Variants in CNTNAP2 observed in about 807,000 individuals in gnomAD.
The protein encoded by CNTNAP2 is contactin-associated protein-like 2.
CNTNAP2 carries 98 observed loss-of-function variants against 155.2 expected under a neutral mutation model. The observed-to-expected ratio is 0.63, with a 90% CI of 0.54 to 0.75. The LOEUF is 0.75. Ranked by LOEUF, CNTNAP2 falls within the 30% of genes least tolerant of loss-of-function variation. CNTNAP2 has a pLI of 0.00. For synonymous variants in CNTNAP2, 651 were observed against 631.2 expected, an observed-to-expected ratio of 1.03 and a Z score of -0.47; for missense variants, 1,727 against 1,688.1, an observed-to-expected ratio of 1.02 and a Z score of -0.40.
At chr7:146,787,631 G>A (rs1030428864) in intron 2 of CNTNAP2, among the ~76,000 whole-genome samples, 1 of 152,116 alleles carries the variant, frequency 6.6e-6, no homozygotes, top group Non-Finnish European at 1.5e-5. Context: ...TGTGAAAAGC[G>A]AAAGAACAAA....
At chr7:147,977,808 T>C in intron 14 of CNTNAP2, 54 bp from the exon 15 acceptor site, 1 of 1,612,010 alleles carries the variant, frequency 6.2e-7, no homozygotes, top group South Asian at 1.1e-5. Context: ...AGCAGAAAAT[T>C]CATATGTCTA....
At chr7:147,187,560 T>C (rs12112515) in intron 8 of CNTNAP2, among the ~76,000 whole-genome samples, 8,399 of 151,950 alleles carry the variant, frequency 0.055, 744 homozygotes, top group African/African-American at 0.19. Context: ...GAACTAAACA[T>C]TGGGGACATA....
chr7:148,390,897 A>G (rs777915860), intron 22 of CNTNAP2, among the ~76,000 whole-genome samples: 10 of 152,358 alleles, frequency 6.6e-5, no homozygotes, highest in East Asian at 1.9e-4. Context: ...CTGCACAACT[A>G]TAACAGATGT....
intron 10 of CNTNAP2, among the ~76,000 whole-genome samples, chr7:147,476,652 C>T (rs1003767323): frequency 2.0e-5 from 3 of 151,766 alleles, no homozygotes; most frequent in East Asian, 2.0e-4. Context: ...GTTGGTCAGG[C>T]GCGGTGGCTC....
intron 8 of CNTNAP2, among the ~76,000 whole-genome samples, chr7:147,189,776 A>C (rs188199073): frequency 6.6e-6 from 1 of 151,868 alleles, no homozygotes; most frequent in African/African-American, 2.4e-5. Flanking sequence ...ACGGAGTCTC[A>C]CTCTGTCGCC....
intron 14 of CNTNAP2, among the ~76,000 whole-genome samples, chr7:147,948,693 T>C (rs1435895195): frequency 6.7e-6 from 1 of 150,298 alleles, no homozygotes; most frequent in Non-Finnish European, 1.5e-5. Context: ...ATATATACAG[T>C]TGACCCTTGG....
intron 3 of CNTNAP2, among the ~76,000 whole-genome samples, chr7:146,978,144 C>G (rs1045758200): frequency 6.6e-6 from 1 of 152,194 alleles, no homozygotes; most frequent in Non-Finnish European, 1.5e-5. Flanking sequence ...TTTACCCTTT[C>G]AGCTAAGACA....
At chr7:147,055,674 C>T (rs1296416971) in intron 4 of CNTNAP2, among the ~76,000 whole-genome samples, 1 of 152,176 alleles carries the variant, frequency 6.6e-6, no homozygotes, top group Non-Finnish European at 1.5e-5. Context: ...CAATCAGACA[C>T]TGCGGGAGGC....
At chr7:148,158,981 C>T (rs1209056640) in intron 17 of CNTNAP2, among the ~76,000 whole-genome samples, 4 of 152,170 alleles carry the variant, frequency 2.6e-5, no homozygotes, top group Non-Finnish European at 5.9e-5. Context: ...TAGATCCTCG[C>T]AGCCCCATAG....
At chr7:148,289,281 G>A (rs1215645548) in intron 21 of CNTNAP2, among the ~76,000 whole-genome samples, 1 of 152,126 alleles carries the variant, frequency 6.6e-6, no homozygotes, top group Non-Finnish European at 1.5e-5. Context: ...TGAAGAGTGG[G>A]GAGAAGAGAG....
At position 147,768,119 on chromosome 7, in the gene CNTNAP2, GT is replaced by G. The variant is rs1797411195; in HGVS notation, c.2098+128817del. 3.9e-5 allele frequency among the ~76,000 whole-genome samples: 6 copies of G among 152,080 alleles called. No individual in the cohort carries two copies. The South Asian group carries it at 1.2e-3, about 31-fold the overall frequency. On this transcript the variant is annotated intron_variant, in intron 13 of 23. Transcript: ENST00000361727. ...AGAAATTGACCATGATATCCTCAAA[GT>G]TTTGGTATCAAAAGGTTTTTTATCT... is the stretch of plus-strand genomic sequence containing the variant.
At chr7:146,286,759 G>T (rs1800343689) in intron 1 of CNTNAP2, among the ~76,000 whole-genome samples, 1 of 152,078 alleles carries the variant, frequency 6.6e-6, no homozygotes, top group Non-Finnish European at 1.5e-5. Flanking sequence ...GAAAGTGATT[G>T]TCCTTCAGTC....
intron 1 of CNTNAP2, among the ~76,000 whole-genome samples, chr7:146,407,539 G>A (rs12216694): frequency 0.027 from 4,125 of 152,198 alleles, 90 homozygotes; most frequent in Middle Eastern, 0.061. Flanking sequence ...CCACGGCTAC[G>A]CAAGCTTTGA....
intron 12 of CNTNAP2, among the ~76,000 whole-genome samples, chr7:147,602,327 G>A (rs574603978): frequency 1.3e-5 from 2 of 148,388 alleles, no homozygotes; most frequent in South Asian, 2.1e-4. Context: ...GAAACCTAAT[G>A]TTTGTTTATT....
chr7:146,790,952 G>T (rs1362713214), intron 2 of CNTNAP2, among the ~76,000 whole-genome samples: 1 of 151,842 alleles, frequency 6.6e-6, no homozygotes, highest in Non-Finnish European at 1.5e-5. Context: ...TTAAGTTCTG[G>T]GGTACACGTG....
chr7:146,352,207 T>A (rs1271803705), intron 1 of CNTNAP2, among the ~76,000 whole-genome samples: 1 of 152,156 alleles, frequency 6.6e-6, no homozygotes, highest in Non-Finnish European at 1.5e-5. Flanking sequence ...AGCGTCACAG[T>A]TTTTCAAGTG....
At chr7:147,586,543 A>AAGGAAGGAAAGAAGGAAGGAAGGG (rs1800627170) in intron 12 of CNTNAP2, among the ~76,000 whole-genome samples, 1 of 48,926 alleles carries the variant, frequency 2.0e-5, no homozygotes, top group African/African-American at 8.3e-5. Flanking sequence ...GGAAGGAAGG[A>AAGGAAGGAAAGAAGGAAGGAAGGG]AGGGAGGGAG....
chr7:148,393,766 A>G (rs1799406543), intron 22 of CNTNAP2, among the ~76,000 whole-genome samples: 1 of 152,156 alleles, frequency 6.6e-6, no homozygotes, highest in Non-Finnish European at 1.5e-5. Flanking sequence ...TGGCTGTTCT[A>G]TATGAAAAAT....
chr7:147,557,631 A>G (rs542506493), intron 11 of CNTNAP2, among the ~76,000 whole-genome samples: 1 of 152,276 alleles, frequency 6.6e-6, no homozygotes, highest in East Asian at 1.9e-4. Flanking sequence ...CAACCCAGCT[A>G]GGACTCCACT....
Sources: gnomAD v4.1 joint callset for allele counts (sites outside exome capture counted in the v4.1 genomes callset) on GRCh38, gnomAD v4.1.1 for gene constraint, MANE v1.5 for transcripts, NCBI Gene and HGNC (gene_info 2026-07-23, HGNC 2026-07-21) for gene names.